Variants in MINDY4 observed in about 807,000 individuals in gnomAD.
The protein encoded by MINDY4 is MINDY lysine 48 deubiquitinase 4.
MINDY4 carries 68 observed loss-of-function variants against 87.0 expected under a neutral mutation model. The observed-to-expected ratio is 0.78, with a 90% confidence interval of 0.64 to 0.96. The LOEUF (loss-of-function observed/expected upper bound fraction) is 0.96, where lower values mean the gene tolerates loss of function less well. MINDY4 is among the 40% of genes least tolerant of loss of function. MINDY4 has a pLI of 0.00. For synonymous variants in MINDY4, 379 were observed against 363.2 expected (o/e 1.04, Z -0.50); for missense variants, 919 against 928.2 (o/e 0.99, Z 0.13).
chr7:30,882,529 G>A (rs1790500187), intron 16 of MINDY4, among the ~76,000 whole-genome samples, 168 bp downstream of exon 16: 2 of 152,364 alleles, frequency 1.3e-5, no homozygotes, highest in East Asian at 3.9e-4. Context: ...GGGCCTCCCT[G>A]CAGGAGGCGG....
chr7:30,785,124 A>G (rs1787121041), intron 3 of MINDY4, among the ~76,000 whole-genome samples: 1 of 149,830 alleles, frequency 6.7e-6, no homozygotes, highest in Non-Finnish European at 1.5e-5. Flanking sequence ...TGTGCCCAAC[A>G]CAGTCTCAGA....
chr7:30,882,328 G>A lies in MINDY4; in HGVS notation c.2119G>A (p.Ala707Thr). Residue 707 changes from alanine to threonine, a missense_variant, in exon 16 of 18, where the codon GCC becomes ACC. Ala to Thr is a moderately conservative substitution (Grantham distance 58). Transcript: ENST00000265299. ...LFDLYYYDGL[A>T]NQQEQIRLTI... ...TGACTTGTACTACTACGATGGCCTG[G>A]CCAACCAGCAGGAGCAGATCCGGCT... is the stretch of plus-strand genomic sequence containing the variant. 6.2e-7 allele frequency: 1 copy of A among 1,608,586 alleles called. No homozygotes were observed. Among genetic ancestry groups the A allele is most frequent in the Non-Finnish European group, 8.5e-7 (1 of 1,175,768 alleles).
At chr7:30,830,587 T>G (rs995859666) in intron 6 of MINDY4, among the ~76,000 whole-genome samples, 1 of 152,150 alleles carries the variant, frequency 6.6e-6, no homozygotes, top group African/African-American at 2.4e-5. Flanking sequence ...AAGTCCCTTA[T>G]AAAACCATCA....
In MINDY4 at chr7:30,892,050, A is replaced by G; in HGVS notation, c.*45A>G. ...CCTGTGGTCCACCACTCATCACCTCATCACCGAGGATGACAGCTGAACCCC... is the reference window on the plus strand; with the variant it reads ...CCTGTGGTCCACCACTCATCACCTCGTCACCGAGGATGACAGCTGAACCCC... On this transcript the variant is annotated 3_prime_UTR_variant, in exon 18 of 18. Coordinates refer to ENST00000265299, the MANE Select transcript of MINDY4 (RefSeq NM_032222.3). 1 of 1,601,522 alleles carries G rather than the reference A, an allele frequency of 6.2e-7. No homozygotes were observed. The highest frequency in any genetic ancestry group is 1.1e-5 in the South Asian group (1 of 90,862).
chr7:30,818,069 G>A (rs1005084340), intron 5 of MINDY4, among the ~76,000 whole-genome samples: 4 of 152,134 alleles, frequency 2.6e-5, no homozygotes, highest in African/African-American at 9.7e-5. Context: ...GCGTTAGGTA[G>A]GATGTTCTTT....
chr7:30,889,003 T>A (rs1168447651), intron 17 of MINDY4, among the ~76,000 whole-genome samples: 2 of 152,114 alleles, frequency 1.3e-5, no homozygotes, highest in Non-Finnish European at 2.9e-5. Context: ...ACTTCAGTCT[T>A]TCTGAGTGGG....
At chr7:30,869,911 C>G (rs1323736792) in intron 13 of MINDY4, among the ~76,000 whole-genome samples, 5 of 152,188 alleles carry the variant, frequency 3.3e-5, no homozygotes, top group Non-Finnish European at 7.3e-5. Context: ...GCTGTTGTTC[C>G]TCTGCTCAAG....
chr7:30,779,603 C>T (rs759424734), intron 2 of MINDY4: 1 of 152,206 alleles, frequency 6.6e-6, no homozygotes, highest in East Asian at 1.9e-4. Context: ...CTTGCTTTAT[C>T]GTCTAGCCTC....
intron 9 of MINDY4, 34 bp from the exon 10 acceptor site, chr7:30,850,420 A>G (rs779828376): frequency 5.1e-6 from 8 of 1,578,326 alleles, no homozygotes; most frequent in South Asian, 2.3e-5. Context: ...TTGTGTCCAC[A>G]TGGGCATAAA....
intron 6 of MINDY4, among the ~76,000 whole-genome samples, chr7:30,830,272 T>G (rs1261024391): frequency 6.6e-6 from 1 of 151,488 alleles, no homozygotes; most frequent in Non-Finnish European, 1.5e-5. Flanking sequence ...TTTTGGAGGG[T>G]GGGGTGGGTA....
intron 13 of MINDY4, among the ~76,000 whole-genome samples, chr7:30,864,061 T>C (rs1789854605): frequency 6.6e-6 from 1 of 152,214 alleles, no homozygotes. Flanking sequence ...CCTGAGAAGG[T>C]CCAGTGGGGG....
chr7:30,800,883 G>A (rs1787628005), intron 5 of MINDY4, among the ~76,000 whole-genome samples: 1 of 152,212 alleles, frequency 6.6e-6, no homozygotes, highest in Admixed American at 6.5e-5. Flanking sequence ...CAGAAGAATG[G>A]ACAGTAGATG....
chr7:30,875,813 C>G (rs895192990), intron 15 of MINDY4, among the ~76,000 whole-genome samples, 157 bp downstream of exon 15: 3 of 152,226 alleles, frequency 2.0e-5, no homozygotes, highest in Non-Finnish European at 4.4e-5. Flanking sequence ...AGTACAGCTT[C>G]TCTGCTGTGG....
At chr7:30,809,783 G>GA (rs554097730) in intron 5 of MINDY4, among the ~76,000 whole-genome samples, 19 of 136,196 alleles carry the variant, frequency 1.4e-4, no homozygotes, top group East Asian at 2.1e-4. Flanking sequence ...TATCATCTTC[G>GA]AAAAAAAAAA....
At chr7:30,778,581 T>A (rs78628968) in intron 2 of MINDY4, 30 bp downstream of exon 2, 1 of 1,613,330 alleles carries the variant, frequency 6.2e-7, no homozygotes, top group South Asian at 1.1e-5. Context: ...TGGTGTGGAG[T>A]CTTGGAACTG....
intron 5 of MINDY4, among the ~76,000 whole-genome samples, chr7:30,807,427 A>G (rs1191900315): frequency 6.6e-6 from 1 of 152,152 alleles, no homozygotes; most frequent in Non-Finnish European, 1.5e-5. Flanking sequence ...GGAAGATCAG[A>G]TATCTTTAAA....
intron 9 of MINDY4, among the ~76,000 whole-genome samples, chr7:30,847,066 G>A (rs1412608976): frequency 6.6e-6 from 1 of 152,134 alleles, no homozygotes; most frequent in Non-Finnish European, 1.5e-5. Context: ...TGATGCTTTG[G>A]GGGCATCTGA....
intron 12 of MINDY4, among the ~76,000 whole-genome samples, chr7:30,853,977 C>T (rs78391461): frequency 0.014 from 1,658 of 119,986 alleles, 49 homozygotes; most frequent in South Asian, 0.098. Flanking sequence ...GGCTCTGGAG[C>T]CCCCCCGCCT....
chr7:30,789,493 T>A (rs964621815), intron 4 of MINDY4, among the ~76,000 whole-genome samples: 1 of 152,206 alleles, frequency 6.6e-6, no homozygotes, highest in Non-Finnish European at 1.5e-5. Context: ...TTCATCATAT[T>A]TACTACATCA....
Sources: allele counts gnomAD v4.1 joint callset (sites outside exome capture counted in the v4.1 genomes callset), GRCh38; gene constraint gnomAD v4.1.1; transcripts MANE v1.5; gene names NCBI Gene and HGNC (gene_info 2026-07-23, HGNC 2026-07-21).